GPR158: variants seen among roughly 807,000 people sequenced by gnomAD.
The protein encoded by GPR158 is G protein-coupled receptor 158, also known as metabotropic glycine receptor.
GPR158 carries 30 observed loss-of-function variants against 78.2 expected under a neutral mutation model. The observed-to-expected ratio is 0.38, with a 90% CI of 0.29 to 0.52. The LOEUF (loss-of-function observed/expected upper bound fraction) is 0.52, where lower values mean the gene tolerates loss of function less well. Among genes scored for constraint, GPR158 ranks in the 20% least tolerant of loss-of-function variants. GPR158 has a pLI of 0.83. For synonymous variants in GPR158, 581 were observed against 591.1 expected, an observed-to-expected ratio of 0.98 and a Z score of 0.25; for missense variants, 1,463 against 1,523.5, an observed-to-expected ratio of 0.96 and a Z score of 0.66.
chr10:25,214,996 A>G lies in GPR158; in HGVS notation c.903-6056A>G, dbSNP rs548231513. Among the ~76,000 whole-genome samples the G allele has an allele frequency of 6.2e-4, 95 of 152,308 alleles. 1 individual carries two copies. Among genetic ancestry groups the G allele is most frequent in the Non-Finnish European group, 1.1e-3 (73 of 68,024 alleles). ...TTATTTGCTTGTTGTGTTCCCATAG[A>G]AAGTTTTATTTCAAATTCAGCAGTC... On this transcript the variant is annotated intron_variant, in intron 1 of 10. Transcript: ENST00000376351.
chr10:25,375,530 A>C (rs1408703647), intron 2 of GPR158, among the ~76,000 whole-genome samples: 1 of 151,530 alleles, frequency 6.6e-6, no homozygotes, highest in African/African-American at 2.4e-5. Flanking sequence ...ATTTTGAGTT[A>C]GTATTTACAT....
chr10:25,437,181 A>G (rs1316527245), intron 4 of GPR158, among the ~76,000 whole-genome samples: 4 of 152,134 alleles, frequency 2.6e-5, no homozygotes, highest in Non-Finnish European at 5.9e-5. Flanking sequence ...TCTTTTCTTT[A>G]TTACATTTAG....
intron 4 of GPR158, among the ~76,000 whole-genome samples, chr10:25,465,761 C>A (rs1198773833): frequency 2.3e-4 from 35 of 152,156 alleles, no homozygotes; most frequent in Admixed American, 2.2e-3. Flanking sequence ...CACTATCCCA[C>A]AGGTATTTGT....
rs564658851 is a variant in GPR158 at position 25,338,506 on chromosome 10, T to TTA, written c.1009-57404_1009-57403dup. Among the ~76,000 whole-genome samples the TTA allele has an allele frequency of 2.0e-3, 282 of 139,818 alleles. 2 individuals are homozygous for TTA. The highest frequency in any genetic ancestry group is 7.3e-3 in the African/African-American group (269 of 36,882). 91.7% of individuals were successfully genotyped at this position (139,818 alleles called of 152,430 possible). A position where few individuals can be genotyped will look rare whatever the true frequency, so the allele number is the denominator to read the frequency against. ...TATACGTATAATATACGTATATATA[T>TTA]TACGTATAATATACGTATATTACGT... On this transcript the variant is annotated intron_variant, in intron 2 of 10. Coordinates refer to ENST00000376351, the MANE Select transcript of GPR158 (RefSeq NM_020752.3).
intron 5 of GPR158, among the ~76,000 whole-genome samples, chr10:25,507,854 A>T (rs950878960): frequency 2.0e-5 from 3 of 152,256 alleles, no homozygotes; most frequent in African/African-American, 4.8e-5. Flanking sequence ...CTGTTACCCA[A>T]GGCAATCAAT....
intron 2 of GPR158, among the ~76,000 whole-genome samples, chr10:25,292,112 A>G (rs1380853090): frequency 6.6e-6 from 1 of 151,998 alleles, no homozygotes; most frequent in Non-Finnish European, 1.5e-5. Context: ...TACATAGGAA[A>G]TGTGTAAGTA....
chr10:25,283,221 G>A (rs553584808), intron 2 of GPR158, among the ~76,000 whole-genome samples: 82 of 152,016 alleles, frequency 5.4e-4, no homozygotes, highest in African/African-American at 1.9e-3. Context: ...TATTTCTTCT[G>A]GAATAGTTTG....
intron 5 of GPR158, among the ~76,000 whole-genome samples, chr10:25,495,516 TCTC>T (rs1210112747): frequency 2.0e-4 from 31 of 152,062 alleles, no homozygotes; most frequent in African/African-American, 7.2e-4. Flanking sequence ...AAAATCTTGA[TCTC>T]CTGACCTCGT....
intron 4 of GPR158, among the ~76,000 whole-genome samples, chr10:25,454,889 A>G (rs1377869096): frequency 6.6e-6 from 1 of 152,182 alleles, no homozygotes; most frequent in African/African-American, 2.4e-5. Flanking sequence ...ATATGCATCA[A>G]CAGTATTGGA....
At chr10:25,343,810 C>A (rs1855335173) in intron 2 of GPR158, among the ~76,000 whole-genome samples, 1 of 151,972 alleles carries the variant, frequency 6.6e-6, no homozygotes, top group South Asian at 2.1e-4. Context: ...CTAGAAAATG[C>A]ACACACACTG....
chr10:25,221,292 A>C lies in GPR158; in HGVS notation c.1008+135A>C, dbSNP rs1853296659. The C allele has an allele frequency of 5.8e-6, 3 of 519,418 alleles. No homozygotes were observed. In the African/African-American group the frequency reaches 5.9e-5, roughly 10 times the overall value. 32.2% of individuals were successfully genotyped at this position (519,418 alleles called of 1,614,324 possible). The stretch of plus-strand genomic sequence containing the variant: ...ATGTAGGTCTCAGTGCTGCCAAATG[A>C]ACTAAAATAGGAGTAGAAAATAAAA... On this transcript the variant is annotated intron_variant, in intron 2 of 10. Coordinates refer to ENST00000376351, the MANE Select transcript of GPR158 (RefSeq NM_020752.3).
At chr10:25,480,640 A>G (rs991279699) in intron 5 of GPR158, among the ~76,000 whole-genome samples, 8 of 152,172 alleles carry the variant, frequency 5.3e-5, no homozygotes, top group Non-Finnish European at 8.8e-5. Context: ...TTCAAGCTTT[A>G]TCTATCTTGT....
intron 5 of GPR158, among the ~76,000 whole-genome samples, chr10:25,483,154 A>G (rs1199768009): frequency 6.6e-6 from 1 of 152,002 alleles, no homozygotes. Flanking sequence ...CCTTTTCTAA[A>G]CTTAAGTCAG....
At chr10:25,189,397 C>T (rs1002708467) in intron 1 of GPR158, among the ~76,000 whole-genome samples, 2 of 152,152 alleles carry the variant, frequency 1.3e-5, no homozygotes, top group Non-Finnish European at 2.9e-5. Flanking sequence ...AAATGTCCAT[C>T]GATGATAGAC....
At chr10:25,583,490 AT>A (rs1320836650) in intron 7 of GPR158, among the ~76,000 whole-genome samples, 1 of 152,114 alleles carries the variant, frequency 6.6e-6, no homozygotes, top group African/African-American at 2.4e-5. Flanking sequence ...ATAAATACTT[AT>A]TTATATTCAA....
intron 2 of GPR158, among the ~76,000 whole-genome samples, chr10:25,286,526 C>CTATT (rs138998747): frequency 0.012 from 1,826 of 152,168 alleles, 26 homozygotes; most frequent in South Asian, 0.057. Context: ...ATATCAAAAA[C>CTATT]AGTCTCTCTA....
intron 2 of GPR158, among the ~76,000 whole-genome samples, chr10:25,242,799 CAG>C (rs1853644287): frequency 1.3e-5 from 2 of 152,112 alleles, no homozygotes; most frequent in African/African-American, 4.8e-5. Flanking sequence ...CAGGGAATCT[CAG>C]AGAATATATA....
At position 25,599,351 on chromosome 10, in the gene GPR158, C is replaced by A; in HGVS notation, c.*77C>A. On this transcript the variant is annotated 3_prime_UTR_variant, in exon 11 of 11. Transcript: ENST00000376351. ...AGAAGATATAAGAATCAAATATTCC[C>A]AAGGAGGATTTGTCAATCAAGGAAA... 1.8e-6 allele frequency: 2 copies of A among 1,109,174 alleles called. No homozygotes were observed. Among genetic ancestry groups the A allele is most frequent in the Non-Finnish European group, 2.6e-6 (2 of 776,390 alleles). 68.7% of individuals were successfully genotyped at this position (1,109,174 alleles called of 1,614,324 possible).
chr10:25,200,276 A>C (rs1235613772), intron 1 of GPR158, among the ~76,000 whole-genome samples: 1 of 151,894 alleles, frequency 6.6e-6, no homozygotes, highest in Non-Finnish European at 1.5e-5. Context: ...GATGTTGAGC[A>C]TTTTTTTCAT....
Sources: allele counts gnomAD v4.1 joint callset (sites outside exome capture counted in the v4.1 genomes callset), GRCh38; gene constraint gnomAD v4.1.1; transcripts MANE v1.5; gene names NCBI Gene and HGNC (gene_info 2026-07-23, HGNC 2026-07-21).